Variants in RIMS2 observed in about 807,000 individuals in gnomAD.
RIMS2 encodes the protein regulating synaptic membrane exocytosis protein 2.
Under a neutral mutation model 174.4 loss-of-function variants are expected in RIMS2, and 59 were observed. The observed-to-expected ratio is 0.34, with a 90% CI of 0.27 to 0.42. The LOEUF (loss-of-function observed/expected upper bound fraction) is 0.42, where lower values mean the gene tolerates loss of function less well. Ranked by LOEUF, RIMS2 falls within the 10% of genes least tolerant of loss-of-function variation. The pLI, the probability that RIMS2 is intolerant of heterozygous loss-of-function variation, is 1.00. For missense variants in RIMS2, 1,620 were observed against 1,666.3 expected, an observed-to-expected ratio of 0.97 and a Z score of 0.48; for synonymous variants, 606 against 572.5, an observed-to-expected ratio of 1.06 and a Z score of -0.84.
intron 1 of RIMS2, among the ~76,000 whole-genome samples, chr8:103,559,954 A>G (rs1214428466): frequency 1.3e-5 from 2 of 152,226 alleles, no homozygotes; most frequent in Non-Finnish European, 2.9e-5. Context: ...GCTGAATTAT[A>G]GGAGAGGAGC....
At chr8:103,885,535 G>A in exon 4 of RIMS2, 2 of 1,612,152 alleles carry the variant, frequency 1.2e-6, no homozygotes, top group Non-Finnish European at 1.7e-6. Context: ...TAGATGATGA[G>A]GATGTGGAAA....
chr8:103,984,683 C>G (rs1263212019), intron 16 of RIMS2, among the ~76,000 whole-genome samples: 1 of 152,198 alleles, frequency 6.6e-6, no homozygotes, highest in African/African-American at 2.4e-5. Flanking sequence ...ATATGATCCA[C>G]TATCCCACTG....
chr8:103,828,996 C>T (rs1334197205), intron 3 of RIMS2, among the ~76,000 whole-genome samples: 5 of 151,166 alleles, frequency 3.3e-5, no homozygotes, highest in East Asian at 1.9e-4. Flanking sequence ...AAGTTGGATA[C>T]TGTGATGGTG....
At chr8:103,589,439 C>T (rs570951787) in intron 1 of RIMS2, among the ~76,000 whole-genome samples, 4 of 151,428 alleles carry the variant, frequency 2.6e-5, no homozygotes, top group African/African-American at 4.8e-5. Context: ...GAAATGCTGA[C>T]GAGGATATGA....
At chr8:103,502,183 T>C (rs1405297808) in intron 1 of RIMS2, among the ~76,000 whole-genome samples, 1 of 152,148 alleles carries the variant, frequency 6.6e-6, no homozygotes, top group Non-Finnish European at 1.5e-5. Flanking sequence ...AAATATACAA[T>C]TGAAAGTGTA....
chr8:104,119,438 T>C (rs1219580414), intron 19 of RIMS2, among the ~76,000 whole-genome samples: 1 of 152,076 alleles, frequency 6.6e-6, no homozygotes, highest in Admixed American at 6.6e-5. Flanking sequence ...GGTTTATATA[T>C]ATGGCAGTTA....
intron 1 of RIMS2, among the ~76,000 whole-genome samples, chr8:103,513,682 G>C (rs117612264): frequency 6.6e-6 from 1 of 152,118 alleles, no homozygotes; most frequent in Admixed American, 6.5e-5. Flanking sequence ...TGGGTGTGTG[G>C]TATCTTTATC....
At chr8:103,608,484 G>T (rs1363318259) in intron 1 of RIMS2, among the ~76,000 whole-genome samples, 4 of 144,328 alleles carry the variant, frequency 2.8e-5, no homozygotes, top group Non-Finnish European at 6.1e-5. Flanking sequence ...AGCCTACAGA[G>T]GCAGGCAGGC....
chr8:104,151,599 G>T (rs937068953), intron 19 of RIMS2, among the ~76,000 whole-genome samples: 1 of 151,534 alleles, frequency 6.6e-6, no homozygotes, highest in Non-Finnish European at 1.5e-5. Context: ...AAAAAAAAGA[G>T]ATGTTGGGGA....
At chr8:103,786,753 T>G (rs2098447383) in intron 3 of RIMS2, among the ~76,000 whole-genome samples, 1 of 152,222 alleles carries the variant, frequency 6.6e-6, no homozygotes, top group Non-Finnish European at 1.5e-5. Flanking sequence ...TTCTGTTGAT[T>G]TGGGGTGGAG....
chr8:104,247,569 A>G (rs2099343068), intron 20 of RIMS2, among the ~76,000 whole-genome samples: 1 of 152,228 alleles, frequency 6.6e-6, no homozygotes, highest in African/African-American at 2.4e-5. Context: ...GATTCAGTCC[A>G]TAACAGAGAG....
chr8:103,777,206 G>A (rs2096969267), intron 3 of RIMS2, among the ~76,000 whole-genome samples: 1 of 151,790 alleles, frequency 6.6e-6, no homozygotes, highest in Non-Finnish European at 1.5e-5. Context: ...AAGTAAAAAA[G>A]CTTAAGAAAA....
chr8:103,761,926 G>C (rs909808713), intron 2 of RIMS2, among the ~76,000 whole-genome samples: 1 of 151,410 alleles, frequency 6.6e-6, no homozygotes, highest in Non-Finnish European at 1.5e-5. Flanking sequence ...TCCCTTTTTT[G>C]AATTACTCTA....
At chr8:104,106,165 C>T (rs2098059783) in intron 19 of RIMS2, among the ~76,000 whole-genome samples, 1 of 151,860 alleles carries the variant, frequency 6.6e-6, no homozygotes, top group Non-Finnish European at 1.5e-5. Context: ...AACTCCTGGC[C>T]ACAGACAGTC....
chr8:103,598,759 A>C (rs553899355), intron 1 of RIMS2, among the ~76,000 whole-genome samples: 1 of 152,212 alleles, frequency 6.6e-6, no homozygotes, highest in South Asian at 2.1e-4. Flanking sequence ...TTTAAAGTAC[A>C]GAATTCTGAG....
chr8:103,581,975 C>T (rs1488241578), intron 1 of RIMS2, among the ~76,000 whole-genome samples: 1 of 152,228 alleles, frequency 6.6e-6, no homozygotes, highest in Non-Finnish European at 1.5e-5. Context: ...GTAAGCATCA[C>T]TCCTTCCCTA....
chr8:103,533,915 CT>C (rs1234793488), intron 1 of RIMS2, among the ~76,000 whole-genome samples: 4 of 152,176 alleles, frequency 2.6e-5, no homozygotes, highest in Non-Finnish European at 5.9e-5. Flanking sequence ...ATCATGACTT[CT>C]GTGCATTTTT....
chr8:104,176,999 C>T (rs1257116387), intron 19 of RIMS2, among the ~76,000 whole-genome samples: 3 of 151,974 alleles, frequency 2.0e-5, no homozygotes, highest in Non-Finnish European at 4.4e-5. Flanking sequence ...GGTCAGCAGA[C>T]ACGTGTATAG....
intron 19 of RIMS2, among the ~76,000 whole-genome samples, chr8:104,222,878 C>T (rs2099161775): frequency 6.6e-6 from 1 of 152,112 alleles, no homozygotes; most frequent in Non-Finnish European, 1.5e-5. Flanking sequence ...TGGTGTTTAT[C>T]GGTTCTTGGT....
Sources: gnomAD v4.1 joint callset for allele counts (sites outside exome capture counted in the v4.1 genomes callset) on GRCh38, gnomAD v4.1.1 for gene constraint, MANE v1.5 for transcripts, NCBI Gene and HGNC (gene_info 2026-07-23, HGNC 2026-07-21) for gene names.